XYLT1: variants seen among roughly 807,000 people sequenced by gnomAD.
XYLT1 encodes the protein beta-D-xylosyltransferase 1.
Under a neutral mutation model 91.3 loss-of-function variants are expected in XYLT1, and 36 were observed. That is an observed-to-expected ratio of 0.39 (90% CI 0.30 to 0.52). The LOEUF is 0.52. Ranked by LOEUF, XYLT1 falls within the 20% of genes least tolerant of loss-of-function variation. The pLI is 0.68. For missense variants in XYLT1, 1,242 were observed against 1,284.5 expected, an observed-to-expected ratio of 0.97 and a Z score of 0.51; for synonymous variants, 588 against 532.0, an observed-to-expected ratio of 1.11 and a Z score of -1.45.
At chr16:17,288,713 A>G (rs2034176813) in intron 2 of XYLT1, among the ~76,000 whole-genome samples, 1 of 152,174 alleles carries the variant, frequency 6.6e-6, no homozygotes, top group South Asian at 2.1e-4. Context: ...ATGAGAGACC[A>G]CGTGGAGGCG....
intron 2 of XYLT1, among the ~76,000 whole-genome samples, chr16:17,277,525 G>A (rs976297008): frequency 6.6e-6 from 1 of 151,878 alleles, no homozygotes. Flanking sequence ...GAGTAGGTGG[G>A]ATTACAGGGA....
chr16:17,461,661 T>G (rs536896434), intron 1 of XYLT1, among the ~76,000 whole-genome samples: 2 of 151,894 alleles, frequency 1.3e-5, no homozygotes, highest in Non-Finnish European at 2.9e-5. Context: ...GATGGATGGA[T>G]GGATGGATGG....
intron 2 of XYLT1, among the ~76,000 whole-genome samples, chr16:17,348,693 T>C (rs1203192512): frequency 6.6e-6 from 1 of 152,208 alleles, no homozygotes; most frequent in African/African-American, 2.4e-5. Context: ...TGTCTACGGA[T>C]TTTTACATCC....
At chr16:17,461,568 G>T (rs1010437733) in intron 1 of XYLT1, among the ~76,000 whole-genome samples, 4 of 151,852 alleles carry the variant, frequency 2.6e-5, no homozygotes, top group African/African-American at 9.7e-5. Context: ...TGGACAGATG[G>T]ATGGATGAAT....
At chr16:17,111,102 T>C (rs375550309) in intron 11 of XYLT1, among the ~76,000 whole-genome samples, 1 of 150,702 alleles carries the variant, frequency 6.6e-6, no homozygotes, top group Non-Finnish European at 1.5e-5. Flanking sequence ...GGAGGTTTCA[T>C]TGAGCCGAGA....
At chr16:17,131,456 C>G (rs1426317206) in intron 9 of XYLT1, among the ~76,000 whole-genome samples, 1 of 152,218 alleles carries the variant, frequency 6.6e-6, no homozygotes, top group Non-Finnish European at 1.5e-5. Flanking sequence ...CATCTGCATT[C>G]CCACGGAATG....
intron 2 of XYLT1, among the ~76,000 whole-genome samples, chr16:17,294,684 T>C (rs901185036): frequency 6.6e-6 from 1 of 152,116 alleles, no homozygotes; most frequent in African/African-American, 2.4e-5. Context: ...GTGAGGACCT[T>C]ATCTTTCCCC....
chr16:17,133,151 G>A lies in XYLT1; in HGVS notation c.2027+1322C>T, dbSNP rs1272464706. On this transcript the variant is annotated intron_variant, in intron 9 of 11. Coordinates refer to ENST00000261381, the MANE Select transcript of XYLT1 (RefSeq NM_022166.4). Reference sequence around the variant, plus strand: ...CAGAAACTTTACGGAGAGAGAAGCCGAGGGATGTGAGGAGGTGATGGGACA... The same window carrying A: ...CAGAAACTTTACGGAGAGAGAAGCCAAGGGATGTGAGGAGGTGATGGGACA... 7.9e-5 allele frequency among the ~76,000 whole-genome samples: 12 copies of A among 152,256 alleles called. No homozygotes were observed. The South Asian group carries it at 8.3e-4, about 11-fold the overall frequency.
chr16:17,421,659 G>A lies in XYLT1; in HGVS notation c.363+48775C>T, dbSNP rs2036252622. On this transcript the variant is annotated intron_variant, in intron 1 of 11. Coordinates refer to ENST00000261381, the MANE Select transcript of XYLT1 (RefSeq NM_022166.4). ...TCAAGGAGGAACAAAGCACCAGACA[G>A]ACGGACGATAAAGTCTTAGAAGTGG... Among the ~76,000 whole-genome samples, 2 of 152,166 alleles carry A rather than the reference G, an allele frequency of 1.3e-5. 1 individual carries two copies. Among genetic ancestry groups the A allele is most frequent in the South Asian group, 4.1e-4 (2 of 4,832 alleles).
chr16:17,381,613 G>A (rs2035681938), intron 1 of XYLT1, among the ~76,000 whole-genome samples: 1 of 151,958 alleles, frequency 6.6e-6, no homozygotes, highest in East Asian at 1.9e-4. Flanking sequence ...TTTTAATAGA[G>A]ACGGGGTTTC....
chr16:17,294,851 G>A (rs976651259), intron 2 of XYLT1, among the ~76,000 whole-genome samples: 1 of 152,100 alleles, frequency 6.6e-6, no homozygotes, highest in Non-Finnish European at 1.5e-5. Context: ...CATGGTGTAG[G>A]TATACAGCAG....
rs571109097 is a variant in XYLT1, at chr16:17,260,818, A to G, written c.403-1320T>C. On this transcript the variant is annotated intron_variant, in intron 2 of 11. Coordinates refer to ENST00000261381, the MANE Select transcript of XYLT1 (RefSeq NM_022166.4). ...TAAAATATTTCTATCCAGCCCTTTA[A>G]GAAAATGTATGCAGACCCCTGCTCT... 2.0e-5 allele frequency among the ~76,000 whole-genome samples: 3 copies of G among 152,350 alleles called. No homozygotes were observed. In the South Asian group the frequency reaches 6.2e-4, roughly 32 times the overall value.
chr16:17,290,340 G>A (rs138938561), intron 2 of XYLT1, among the ~76,000 whole-genome samples: 174 of 152,358 alleles, frequency 1.1e-3, no homozygotes, highest in Non-Finnish European at 2.2e-3. Context: ...AAAGGCAGCG[G>A]AAGGTCCATC....
chr16:17,400,108 G>A (rs1314570611), intron 1 of XYLT1, among the ~76,000 whole-genome samples: 1 of 152,206 alleles, frequency 6.6e-6, no homozygotes, highest in African/African-American at 2.4e-5. Flanking sequence ...CCTGGCAACA[G>A]CAGCTTTCTC....
At chr16:17,113,985 C>T (rs1209106109) in intron 11 of XYLT1, among the ~76,000 whole-genome samples, 1 of 151,912 alleles carries the variant, frequency 6.6e-6, no homozygotes, top group African/African-American at 2.4e-5. Flanking sequence ...GATTCATCCA[C>T]CTGCTAGGAG....
intron 2 of XYLT1, among the ~76,000 whole-genome samples, chr16:17,341,927 C>T (rs1374968482): frequency 1.3e-5 from 2 of 152,180 alleles, no homozygotes; most frequent in African/African-American, 4.8e-5. Flanking sequence ...TGTCCCCTAA[C>T]AGATTACAAC....
At chr16:17,304,801 G>A (rs2141816171) in intron 2 of XYLT1, among the ~76,000 whole-genome samples, 1 of 152,214 alleles carries the variant, frequency 6.6e-6, no homozygotes, top group South Asian at 2.1e-4. Context: ...TACTCTCAAA[G>A]CATTCAAGAT....
chr16:17,425,133 CT>C (rs985808366), intron 1 of XYLT1, among the ~76,000 whole-genome samples: 1 of 152,290 alleles, frequency 6.6e-6, no homozygotes, highest in African/African-American at 2.4e-5. Flanking sequence ...GAGGAATGGT[CT>C]TTAGCTTTGC....
chr16:17,171,516 CTT>C (rs1336703311), intron 5 of XYLT1, among the ~76,000 whole-genome samples: 1 of 152,246 alleles, frequency 6.6e-6, no homozygotes, highest in Non-Finnish European at 1.5e-5. Flanking sequence ...CCAGTAGACT[CTT>C]TACCCACAGA....
Sources: allele counts gnomAD v4.1 joint callset (sites outside exome capture counted in the v4.1 genomes callset), GRCh38; gene constraint gnomAD v4.1.1; transcripts MANE v1.5; gene names NCBI Gene and HGNC (gene_info 2026-07-23, HGNC 2026-07-21).